The following USP16 variants were observed in gnomAD, a reference collection of about 807,000 sequenced individuals.
USP16 encodes the protein ubiquitin specific peptidase 16.
A neutral mutation model predicts 95.9 loss-of-function variants in USP16; 77 were observed. The observed-to-expected ratio is 0.80, with a 90% CI of 0.67 to 0.97. The LOEUF (loss-of-function observed/expected upper bound fraction) is 0.97, where lower values mean the gene tolerates loss of function less well. Among genes scored for constraint, USP16 ranks in the 50% least tolerant of loss-of-function variants. The pLI is 0.00. For missense variants in USP16, 943 were observed against 959.9 expected, an observed-to-expected ratio of 0.98 and a Z score of 0.23; for synonymous variants, 303 against 318.2, an observed-to-expected ratio of 0.95 and a Z score of 0.51.
In USP16 at chr21:29,042,069, C is replaced by T. The variant is rs1237390811; in HGVS notation, c.1087C>T (p.Leu363=). ...SFVDRIFGGE[L]TSMIMCDQCR... ...TGTTGACCGCATCTTTGGTGGTGAA[C>T]TAACTAGTATGATCATGTGTGATCA... The change falls in exon 11 of 18, where the codon CTA becomes TTA. Residue 363 remains leucine (L), a synonymous_variant. Transcript: ENST00000399976. 1.9e-6 allele frequency: 3 copies of T among 1,613,108 alleles called. No homozygotes were observed. In the African/African-American group the frequency reaches 4.0e-5, roughly 22 times the overall value.
intron 13 of USP16, among the ~76,000 whole-genome samples, chr21:29,044,461 T>G (rs1480975246): frequency 6.6e-5 from 10 of 150,614 alleles, no homozygotes; most frequent in Non-Finnish European, 1.3e-4. Flanking sequence ...TTTTTTTTTT[T>G]TTTGAGATGG....
At position 29,027,941 on chromosome 21, in the gene USP16, A is replaced by T. The variant is rs749228284; in HGVS notation, c.28A>T (p.Thr10Ser). MGKKRTKGK[T>S]VPIDDSSETL... ...GGGAAAGAAACGGACAAAGGGAAAA[A>T]CTGTTCCAATCGATGATTCCTCTGA... Residue 10 changes from threonine to serine, a missense_variant, in exon 2 of 18, where the codon ACT becomes TCT. Physicochemically the swap from Thr to Ser is moderately conservative, Grantham distance 58. Coordinates refer to ENST00000399976, the MANE Select transcript of USP16 (RefSeq NM_006447.3). 2 of 1,613,636 alleles carry T rather than the reference A, an allele frequency of 1.2e-6. No homozygotes were observed. Among genetic ancestry groups the T allele is most frequent in the South Asian group, 2.2e-5 (2 of 91,070 alleles).
Position 29,030,731 on chromosome 21 carries a change from A to G in USP16, c.198A>G (p.Glu66=). The change falls in exon 3 of 18, where the codon GAA becomes GAG. Residue 66 remains glutamate, a synonymous_variant. Transcript: ENST00000399976. ...KVKDKAEEET[E]EKPSVWLCLK... ...AAGATAAAGCTGAAGAAGAAACAGA[A>G]GAAAAGCCTTCAGTTTGGCTGTGTC... The G allele has an allele frequency of 6.2e-7, 1 of 1,613,362 alleles. No individual in the cohort carries two copies. Among genetic ancestry groups the G allele is most frequent in the Non-Finnish European group, 8.5e-7 (1 of 1,179,820 alleles).
At chr21:29,043,672 C>G in intron 13 of USP16, 73 bp downstream of exon 13, 1 of 1,336,798 alleles carries the variant, frequency 7.5e-7, no homozygotes, top group African/African-American at 1.5e-5. Context: ...GTCTGAATGA[C>G]ATTGGTTAGA....
At chr21:29,024,822 T>G in intron 1 of USP16, 45 bp downstream of exon 1, 5 of 1,252,332 alleles carry the variant, frequency 4.0e-6, no homozygotes, top group Non-Finnish European at 5.2e-6. Flanking sequence ...TCGCCTGGCT[T>G]TCTGCGCTGG....
chr21:29,027,213 A>G (rs933889241), intron 1 of USP16, among the ~76,000 whole-genome samples: 3 of 152,258 alleles, frequency 2.0e-5, no homozygotes, highest in African/African-American at 7.2e-5. Flanking sequence ...ATGTGCAGCT[A>G]GATTTGTCAA....
At chr21:29,040,903 T>C (rs1187557439) in intron 10 of USP16, among the ~76,000 whole-genome samples, 1 of 152,230 alleles carries the variant, frequency 6.6e-6, no homozygotes, top group Non-Finnish European at 1.5e-5. Context: ...TATGATGAAT[T>C]ACAGTTTTAC....
Position 29,044,627 on chromosome 21 carries a change from T to C in USP16, c.1356+1028T>C, listed in dbSNP as rs537471705. Among the ~76,000 whole-genome samples the C allele has an allele frequency of 2.0e-5, 3 of 152,160 alleles. No homozygotes were observed. The South Asian group carries it at 6.2e-4, about 32-fold the overall frequency. On this transcript the variant is annotated intron_variant, in intron 13 of 17. Coordinates refer to ENST00000399976, the MANE Select transcript of USP16 (RefSeq NM_006447.3). ...CGTACCTGGCTAACTTTTGTATTTT[T>C]AGTAAAGACAGGTTTCGCCATGTTG... is the stretch of plus-strand genomic sequence containing the variant.
intron 6 of USP16, 54 bp downstream of exon 6, chr21:29,037,517 T>A (rs759073692): frequency 2.1e-5 from 29 of 1,378,982 alleles, no homozygotes; most frequent in Non-Finnish European, 2.7e-5. Context: ...TCATAGAATC[T>A]GCTACTTACA....
chr21:29,047,181 A>T lies in USP16; in HGVS notation c.1871A>T (p.Glu624Val). Residue 624 changes from glutamate to valine, a missense_variant, in exon 14 of 18, where the codon GAA (glutamate) becomes GTA (valine). Coordinates refer to ENST00000399976, the MANE Select transcript of USP16 (RefSeq NM_006447.3). ...ETAFCTLANR[E>V]VFNTDECSIQ... ...GCTTTCTGTACTCTTGCAAACAGGG[A>T]AGTTTTCAATACTGATGAGTGTTCA... is the stretch of plus-strand genomic sequence containing the variant. The T allele has an allele frequency of 6.2e-7, 1 of 1,614,168 alleles. No individual in the cohort carries two copies. Among genetic ancestry groups the T allele is most frequent in the Non-Finnish European group, 8.5e-7 (1 of 1,180,012 alleles).
At chr21:29,041,262 CT>C (rs1359326370) in intron 10 of USP16, among the ~76,000 whole-genome samples, 1 of 152,160 alleles carries the variant, frequency 6.6e-6, no homozygotes, top group African/African-American at 2.4e-5. Context: ...CATAGCAACT[CT>C]TTGCCTCCTT....
At chr21:29,032,363 C>A (rs566630602) in intron 3 of USP16, among the ~76,000 whole-genome samples, 1 of 152,218 alleles carries the variant, frequency 6.6e-6, no homozygotes, top group East Asian at 1.9e-4. Flanking sequence ...TCCTGAGTAG[C>A]TGGGACTACA....
chr21:29,047,375 A>G (rs2085343269), intron 14 of USP16, 54 bp downstream of exon 14: 9 of 1,541,652 alleles, frequency 5.8e-6, no homozygotes, highest in Non-Finnish European at 8.8e-7. Context: ...CACATTTTGC[A>G]CTGCATAGGT....
Position 29,027,853 on chromosome 21 carries a change from A to G in USP16, c.-41-20A>G. The G allele has an allele frequency of 6.3e-7, 1 of 1,594,324 alleles. No individual in the cohort carries two copies. The highest frequency in any genetic ancestry group is 8.6e-7 in the Non-Finnish European group (1 of 1,163,324). ...ACATACTTTTTTTTTTGGTCAAGCT[A>G]ACTTTATCTTGTTTTCTAGATTGTT... is the stretch of plus-strand genomic sequence containing the variant. On this transcript the variant is annotated intron_variant, in intron 1 of 17. Coordinates refer to ENST00000399976, the MANE Select transcript of USP16 (RefSeq NM_006447.3).
intron 16 of USP16, 57 bp downstream of exon 16, chr21:29,050,235 T>A: frequency 6.6e-7 from 1 of 1,506,836 alleles, no homozygotes; most frequent in Non-Finnish European, 9.1e-7. Flanking sequence ...GTGGCTTACC[T>A]AATGCTCCAG....
chr21:29,043,918 C>G (rs2085282473), intron 13 of USP16, among the ~76,000 whole-genome samples: 1 of 151,820 alleles, frequency 6.6e-6, no homozygotes, highest in Non-Finnish European at 1.5e-5. Context: ...AACAATAAGT[C>G]CCCCTCCCAC....
At chr21:29,040,417 A>G (rs898596817) in intron 9 of USP16, among the ~76,000 whole-genome samples, 192 bp from the exon 10 acceptor site, 3 of 152,152 alleles carry the variant, frequency 2.0e-5, no homozygotes, top group African/African-American at 4.8e-5. Flanking sequence ...ACCTTTATTC[A>G]ATGGTTAGTG....
chr21:29,034,494 G>A (rs562096926), intron 3 of USP16, among the ~76,000 whole-genome samples: 44 of 152,004 alleles, frequency 2.9e-4, no homozygotes, highest in African/African-American at 1.0e-3. Flanking sequence ...TGTATTTTTA[G>A]TAGAGATGGG....
At chr21:29,026,455 C>CAAAAAAA (rs542051832) in intron 1 of USP16, 1 of 82,244 alleles carries the variant, frequency 1.2e-5, no homozygotes, top group Non-Finnish European at 2.3e-5. Context: ...GACTCCGTCT[C>CAAAAAAA]AAAAAAAAAA....
Sources: gnomAD v4.1 joint callset for allele counts (sites outside exome capture counted in the v4.1 genomes callset) on GRCh38, gnomAD v4.1.1 for gene constraint, MANE v1.5 for transcripts, NCBI Gene and HGNC (gene_info 2026-07-23, HGNC 2026-07-21) for gene names.